TACR1: variants seen among roughly 807,000 people sequenced by gnomAD.
TACR1 encodes the protein tachykinin receptor 1.
A neutral mutation model predicts 35.8 loss-of-function variants in TACR1; 25 were observed. The ratio of observed to expected loss-of-function variants is 0.70; its 90% CI spans 0.51 to 0.98. The LOEUF (loss-of-function observed/expected upper bound fraction) is 0.98, where lower values mean the gene tolerates loss of function less well. Ranked by LOEUF, TACR1 falls within the 50% of genes least tolerant of loss-of-function variation. TACR1 has a pLI of 0.00. For missense variants in TACR1, 478 were observed against 522.9 expected, an observed-to-expected ratio of 0.91 and a Z score of 0.84; for synonymous variants, 195 against 206.7, an observed-to-expected ratio of 0.94 and a Z score of 0.48.
At chr2:75,179,653 A>G (rs1199469064) in intron 1 of TACR1, among the ~76,000 whole-genome samples, 3 of 152,208 alleles carry the variant, frequency 2.0e-5, no homozygotes, top group African/African-American at 4.8e-5. Flanking sequence ...ATGGACTATG[A>G]AGAGAAGTGA....
intron 2 of TACR1, among the ~76,000 whole-genome samples, chr2:75,099,196 T>A (rs1392457375): frequency 6.6e-6 from 1 of 152,136 alleles, no homozygotes; most frequent in East Asian, 1.9e-4. Flanking sequence ...GACTTCATCC[T>A]CCTTGAGGAG....
chr2:75,051,367 G>A lies in TACR1; in HGVS notation c.816C>T (p.Tyr272=), dbSNP rs1672464968. ...TCTTCAGGTAGAGATCTGGGTTGATGTAGGGCAGGAGGAAGAAGATGTGGA... is the reference window on the plus strand; with the variant it reads ...TCTTCAGGTAGAGATCTGGGTTGATATAGGGCAGGAGGAAGAAGATGTGGA... ...LPFHIFFLLP[Y]INPDLYLKKF... is the part of the protein sequence containing the mutation. The change falls in exon 4 of 5, where the codon TAC becomes TAT. Residue 272 remains tyrosine, a synonymous_variant. Coordinates refer to ENST00000305249, the MANE Select transcript of TACR1 (RefSeq NM_001058.4). 1 of 1,614,232 alleles carries A rather than the reference G, an allele frequency of 6.2e-7. No homozygotes were observed.
At chr2:75,172,738 T>C (rs542952265) in intron 1 of TACR1, among the ~76,000 whole-genome samples, 1 of 152,248 alleles carries the variant, frequency 6.6e-6, no homozygotes, top group East Asian at 1.9e-4. Flanking sequence ...GTACTTGCAT[T>C]CGTTTGAAAA....
rs192721348 is a variant in TACR1 at position 75,115,826 on chromosome 2, G to C, written c.584+4748C>G. Among the ~76,000 whole-genome samples the C allele has an allele frequency of 5.3e-3, 744 of 140,548 alleles. 6 individuals are homozygous for C. Among genetic ancestry groups the C allele is most frequent in the African/African-American group, 0.019 (719 of 37,230 alleles). The allele number at this position is 140,548 out of a possible 152,430, so 92.2% of individuals were successfully genotyped here. ...GGAGGCTGAGGCAGGAGAATGGCGT[G>C]AACCTGGGAGGCGGAGCTTGCAGTG... On this transcript the variant is annotated intron_variant, in intron 2 of 4. Transcript: ENST00000305249.
chr2:75,081,917 A>C (rs1369826689), intron 2 of TACR1, among the ~76,000 whole-genome samples: 1 of 148,980 alleles, frequency 6.7e-6, no homozygotes, highest in African/African-American at 2.5e-5. Flanking sequence ...TTTTTTAAAT[A>C]TATATATGTA....
intron 1 of TACR1, among the ~76,000 whole-genome samples, chr2:75,123,477 G>A (rs1306600453): frequency 6.6e-6 from 1 of 152,082 alleles, no homozygotes; most frequent in Non-Finnish European, 1.5e-5. Context: ...ACTCCAAATG[G>A]GTGGCAGAAA....
intron 2 of TACR1, among the ~76,000 whole-genome samples, chr2:75,094,859 A>ATATATATATATATATATATTTTT: frequency 1.4e-4 from 16 of 113,096 alleles, no homozygotes; most frequent in African/African-American, 6.2e-4. Flanking sequence ...ATATATATAT[A>ATATATATATATATATATATTTTT]TTTTTTTTTT....
intron 2 of TACR1, among the ~76,000 whole-genome samples, chr2:75,088,662 C>T (rs765113056): frequency 3.9e-5 from 6 of 152,204 alleles, no homozygotes; most frequent in Non-Finnish European, 7.4e-5. Context: ...CTGTCCTCTC[C>T]TCCTTCTAGC....
At chr2:75,066,871 G>A (rs939149689) in intron 2 of TACR1, among the ~76,000 whole-genome samples, 1 of 152,150 alleles carries the variant, frequency 6.6e-6, no homozygotes, top group Admixed American at 6.5e-5. Context: ...TGTGTGAGAG[G>A]ACAAACATTT....
At chr2:75,075,238 G>A (rs1672956494) in intron 2 of TACR1, among the ~76,000 whole-genome samples, 1 of 152,170 alleles carries the variant, frequency 6.6e-6, no homozygotes, top group African/African-American at 2.4e-5. Context: ...ACATTTACTA[G>A]CTAGGGAAGA....
chr2:75,094,855 A>ATTTTTTTTT (rs1351976784), intron 2 of TACR1, among the ~76,000 whole-genome samples: 1 of 87,920 alleles, frequency 1.1e-5, no homozygotes, highest in Admixed American at 1.0e-4. Context: ...ATATATATAT[A>ATTTTTTTTT]TATATTTTTT....
At chr2:75,188,986 G>T (rs912989049) in intron 1 of TACR1, 4 of 152,160 alleles carry the variant, frequency 2.6e-5, no homozygotes, top group Non-Finnish European at 5.9e-5. Context: ...TTAGGACCAG[G>T]TCTTGTGGTG....
chr2:75,068,897 G>C (rs1245833290), intron 2 of TACR1, among the ~76,000 whole-genome samples: 1 of 152,150 alleles, frequency 6.6e-6, no homozygotes, highest in Non-Finnish European at 1.5e-5. Context: ...CCATCAGTAT[G>C]GCATACATAC....
At chr2:75,049,762 G>C in intron 4 of TACR1, 39 bp from the exon 5 acceptor site, 1 of 1,586,286 alleles carries the variant, frequency 6.3e-7, no homozygotes, top group South Asian at 1.2e-5. Flanking sequence ...CCTTTGGGAC[G>C]GCCTGCTCAG....
chr2:75,080,461 G>T (rs1253684941), intron 2 of TACR1, among the ~76,000 whole-genome samples: 1 of 152,132 alleles, frequency 6.6e-6, no homozygotes, highest in Admixed American at 6.5e-5. Context: ...GTCCCATTGG[G>T]TCAGTTATAG....
At chr2:75,153,199 C>A (rs747287081) in intron 1 of TACR1, among the ~76,000 whole-genome samples, 3 of 152,222 alleles carry the variant, frequency 2.0e-5, no homozygotes, top group Non-Finnish European at 1.5e-5. Context: ...CTGCACCAGC[C>A]TAAGACTTCT....
At chr2:75,175,815 A>ATCC (rs1471153391) in intron 1 of TACR1, among the ~76,000 whole-genome samples, 1 of 152,226 alleles carries the variant, frequency 6.6e-6, no homozygotes, top group African/African-American at 2.4e-5. Flanking sequence ...CAATGTAGAC[A>ATCC]TCCTTGGGAA....
At chr2:75,125,437 G>A (rs1044208465) in intron 1 of TACR1, among the ~76,000 whole-genome samples, 4 of 151,998 alleles carry the variant, frequency 2.6e-5, no homozygotes, top group Non-Finnish European at 4.4e-5. Context: ...CACTGTCCTC[G>A]GCCTCCCAAA....
At chr2:75,181,380 A>AG (rs1426532107) in intron 1 of TACR1, among the ~76,000 whole-genome samples, 2 of 152,206 alleles carry the variant, frequency 1.3e-5, no homozygotes, top group Non-Finnish European at 2.9e-5. Context: ...AGGTTCATTA[A>AG]GGGGAAAAAA....
Sources: allele counts gnomAD v4.1 joint callset (sites outside exome capture counted in the v4.1 genomes callset), GRCh38; gene constraint gnomAD v4.1.1; transcripts MANE v1.5; gene names NCBI Gene and HGNC (gene_info 2026-07-23, HGNC 2026-07-21).